HMBOX1: variants seen among roughly 807,000 people sequenced by gnomAD.
HMBOX1 encodes homeobox-containing protein 1.
In HMBOX1, 14 loss-of-function variants were observed where a neutral mutation model predicts 54.5. The ratio of observed to expected loss-of-function variants is 0.26; its 90% CI spans 0.17 to 0.40. HMBOX1 has a LOEUF of 0.40. HMBOX1 is among the 10% of genes least tolerant of loss of function. The pLI is 1.00. For missense variants in HMBOX1, 332 were observed against 514.4 expected, an observed-to-expected ratio of 0.65 and a Z score of 3.43; for synonymous variants, 160 against 181.0, an observed-to-expected ratio of 0.88 and a Z score of 0.93.
intron 4 of HMBOX1, among the ~76,000 whole-genome samples, chr8:28,983,583 G>A (rs1398532278): frequency 6.6e-6 from 1 of 152,126 alleles, no homozygotes; most frequent in African/African-American, 2.4e-5. Context: ...TTAGAGCAAT[G>A]TTCTTCAGGA....
intron 6 of HMBOX1, among the ~76,000 whole-genome samples, chr8:29,029,835 G>C (rs1386722440): frequency 2.0e-5 from 3 of 152,094 alleles, no homozygotes; most frequent in East Asian, 3.9e-4. Context: ...CTAAGAATTG[G>C]GACACAGAGA....
At chr8:28,955,506 A>G (rs1676170248) in intron 1 of HMBOX1, among the ~76,000 whole-genome samples, 1 of 152,202 alleles carries the variant, frequency 6.6e-6, no homozygotes, top group Admixed American at 6.5e-5. Context: ...TTAAAATAGC[A>G]TTTTATTTTT....
intron 4 of HMBOX1, among the ~76,000 whole-genome samples, chr8:29,006,806 G>A (rs890404355): frequency 6.6e-6 from 1 of 152,066 alleles, no homozygotes; most frequent in Admixed American, 6.5e-5. Context: ...TGTATGATCT[G>A]ATTAAGGAAG....
At chr8:28,904,604 C>T (rs1187782189) in intron 1 of HMBOX1, among the ~76,000 whole-genome samples, 8 of 152,002 alleles carry the variant, frequency 5.3e-5, no homozygotes, top group South Asian at 2.1e-4. Context: ...TCAAGTTAAT[C>T]GTCTTAAATT....
intron 1 of HMBOX1, among the ~76,000 whole-genome samples, chr8:28,930,983 A>G (rs1819384649): frequency 6.6e-6 from 1 of 152,198 alleles, no homozygotes; most frequent in African/African-American, 2.4e-5. Flanking sequence ...ATCTATGATT[A>G]TATGACATGG....
intron 3 of HMBOX1, among the ~76,000 whole-genome samples, chr8:28,975,901 T>C (rs1828275553): frequency 6.6e-6 from 1 of 152,116 alleles, no homozygotes. Flanking sequence ...GGTGATTTCA[T>C]AGATTACAAT....
intron 1 of HMBOX1, among the ~76,000 whole-genome samples, chr8:28,923,684 C>T (rs1238565480): frequency 1.3e-5 from 2 of 152,224 alleles, no homozygotes; most frequent in African/African-American, 4.8e-5. Context: ...AACTCCCAAA[C>T]TGTTTACACA....
At chr8:28,975,374 G>A (rs1028908965) in intron 3 of HMBOX1, among the ~76,000 whole-genome samples, 2 of 152,210 alleles carry the variant, frequency 1.3e-5, no homozygotes, top group South Asian at 4.1e-4. Flanking sequence ...CAGGGAGAAC[G>A]TCTTTGAATA....
chr8:28,980,648 A>G (rs1273290576), intron 4 of HMBOX1, among the ~76,000 whole-genome samples: 1 of 152,086 alleles, frequency 6.6e-6, no homozygotes, highest in Non-Finnish European at 1.5e-5. Context: ...TGTTCTTTAT[A>G]TCCCATCCCA....
chr8:28,918,261 T>G (rs1816915382), intron 1 of HMBOX1, among the ~76,000 whole-genome samples: 1 of 152,222 alleles, frequency 6.6e-6, no homozygotes, highest in Admixed American at 6.5e-5. Flanking sequence ...TGGAGTGCAG[T>G]GGCGCGATCT....
At chr8:29,001,067 A>T (rs1468227066) in intron 4 of HMBOX1, among the ~76,000 whole-genome samples, 1 of 152,124 alleles carries the variant, frequency 6.6e-6, no homozygotes, top group African/African-American at 2.4e-5. Context: ...ATTCTCACTG[A>T]TGTCACTCCA....
intron 6 of HMBOX1, among the ~76,000 whole-genome samples, chr8:29,019,406 CAGT>C (rs1162075167): frequency 2.0e-5 from 3 of 151,906 alleles, no homozygotes; most frequent in African/African-American, 4.8e-5. Context: ...AGTAGGCACT[CAGT>C]GGTTTTTTTT....
chr8:28,928,544 A>G (rs930117879), intron 1 of HMBOX1, among the ~76,000 whole-genome samples: 7 of 152,240 alleles, frequency 4.6e-5, no homozygotes, highest in African/African-American at 1.4e-4. Context: ...AAATAAAGTC[A>G]CTATCCATGC....
intron 6 of HMBOX1, among the ~76,000 whole-genome samples, chr8:29,035,881 C>T (rs1803775363): frequency 6.6e-6 from 1 of 152,088 alleles, no homozygotes; most frequent in Non-Finnish European, 1.5e-5. Context: ...TGTGTGACAC[C>T]TCTAGAAAAT....
intron 1 of HMBOX1, among the ~76,000 whole-genome samples, chr8:28,895,168 T>G (rs1300527006): frequency 1.3e-5 from 2 of 152,324 alleles, no homozygotes; most frequent in East Asian, 1.9e-4. Flanking sequence ...TCTGGCTGCT[T>G]CTTTGTTTAT....
chr8:28,947,816 C>T (rs1255073229), intron 1 of HMBOX1, among the ~76,000 whole-genome samples: 1 of 152,216 alleles, frequency 6.6e-6, no homozygotes, highest in Non-Finnish European at 1.5e-5. Flanking sequence ...GTTCATACAG[C>T]TCTAACCATA....
chr8:28,911,807 T>TG (rs1429144401), intron 1 of HMBOX1, among the ~76,000 whole-genome samples: 2 of 152,040 alleles, frequency 1.3e-5, no homozygotes, highest in Non-Finnish European at 1.5e-5. Context: ...TCTGCAGGGT[T>TG]GGGGGAGGGC....
rs897169007 is a variant in HMBOX1 at position 28,911,118 on chromosome 8, G to C, written c.-58+20440G>C. 8.5e-5 allele frequency among the ~76,000 whole-genome samples: 13 copies of C among 152,294 alleles called. 1 individual carries two copies. The highest frequency in any genetic ancestry group is 8.3e-4 in the South Asian group (4 of 4,830). ...TTTACTGTAATTCCTTAAGCAGTCA[G>C]ATTTCTTAGTTGGAAGCAACAAAAA... is the stretch of plus-strand genomic sequence containing the variant. On this transcript the variant is annotated intron_variant, in intron 1 of 9. Transcript: ENST00000287701.
chr8:29,036,657 C>G (rs1050701226), intron 6 of HMBOX1, among the ~76,000 whole-genome samples: 4 of 152,162 alleles, frequency 2.6e-5, no homozygotes, highest in Non-Finnish European at 5.9e-5. Flanking sequence ...GTGAAATTAA[C>G]AGGAACTTGG....
Sources: gnomAD v4.1 joint callset for allele counts (sites outside exome capture counted in the v4.1 genomes callset) on GRCh38, gnomAD v4.1.1 for gene constraint, MANE v1.5 for transcripts, NCBI Gene and HGNC (gene_info 2026-07-23, HGNC 2026-07-21) for gene names.